The following NCOR2 variants were observed in gnomAD, a reference collection of about 807,000 sequenced individuals.
The protein encoded by NCOR2 is nuclear receptor corepressor 2, also known as CTG repeat protein 26.
A neutral mutation model predicts 262.9 loss-of-function variants in NCOR2; 81 were observed. The observed-to-expected ratio is 0.31, with a 90% confidence interval of 0.26 to 0.37. The LOEUF (loss-of-function observed/expected upper bound fraction) is 0.37. NCOR2 is among the 10% of genes least tolerant of loss of function. The pLI is 1.00. For missense variants in NCOR2, 3,385 were observed against 3,621.4 expected (o/e 0.93, Z 1.68); for synonymous variants, 1,659 against 1,559.3 (o/e 1.06, Z -1.51).
At chr12:124,344,600 C>T (rs1275756142) in exon 32 of NCOR2, 2 of 1,451,120 alleles carry the variant, frequency 1.4e-6, no homozygotes, top group Non-Finnish European at 1.8e-6. Flanking sequence ...CACTCACCCT[C>T]CTGCAGGCGC....
At position 124,402,526 on chromosome 12, in the gene NCOR2, C is replaced by G. The variant is rs369621213; in HGVS notation, c.1518G>C (p.Gln506His). The G allele has an allele frequency of 1.9e-5, 30 of 1,562,654 alleles. No homozygotes were observed. In the African/African-American group the frequency reaches 3.8e-4, roughly 20 times the overall value. Residue 506 changes from glutamine to histidine, a missense_variant, in exon 14 of 47, where the codon CAG (glutamine) becomes CAC (histidine). Gln to His is a conservative substitution (Grantham distance 24, BLOSUM62 0). Around this residue, in one of 5 missense-constraint regions of NCOR2, gnomAD observed 515 missense variants for 781.2 expected, o/e 0.66. Transcript: ENST00000405201. ...TGCGGGGCATGGGCTGCTGCTGCTGCTGCTGCTGCTGCTGCTGCTGCTGTT... is the reference window on the plus strand; with the variant it reads ...TGCGGGGCATGGGCTGCTGCTGCTGGTGCTGCTGCTGCTGCTGCTGCTGTT...
rs2050279717 is a variant in NCOR2 at position 124,523,183 on chromosome 12, A to AG, written c.-118+12381dup. Among the ~76,000 whole-genome samples, 1 of 152,196 alleles carries AG rather than the reference A, an allele frequency of 6.6e-6. No individual in the cohort carries two copies. Among genetic ancestry groups the AG allele is most frequent in the Non-Finnish European group, 1.5e-5 (1 of 68,042 alleles). On this transcript the variant is annotated intron_variant, in intron 1 of 46. Coordinates refer to the NCOR2 transcript ENST00000404621. This position sits in a 1 kb window ranked among gnomAD's most constrained non-coding sequence, Gnocchi z 4.0. The stretch of plus-strand genomic sequence containing the variant: ...TCTGCATGTTGTTTTTATTTTTAAA[A>AG]GGGGCCGCCCCCACCCACAGCAGCT...
rs1354737681 is a variant in NCOR2 at position 124,429,711 on chromosome 12, G to A, written c.1056-5C>T. 6.3e-7 allele frequency: 1 copy of A among 1,594,662 alleles called. No homozygotes were observed. On this transcript the variant is annotated splice_polypyrimidine_tract_variant and splice_region_variant and intron_variant, in intron 9 of 46. Coordinates refer to ENST00000405201, the Ensembl canonical transcript of NCOR2. ...CTGCCCCGCTGGCCCACCCTGCTGG[G>A]GACCAAGGGGACACACTCAGGACCG... is the stretch of plus-strand genomic sequence containing the variant.
intron 37 of NCOR2, among the ~76,000 whole-genome samples, chr12:124,338,215 T>C (rs1434651761): frequency 2.0e-5 from 3 of 152,216 alleles, no homozygotes; most frequent in Admixed American, 6.5e-5. Flanking sequence ...TGCCTCTAAA[T>C]AGGTCCTGGA....
At chr12:124,562,515 C>G (rs531715137) in intron 1 of NCOR2, among the ~76,000 whole-genome samples, 2 of 152,232 alleles carry the variant, frequency 1.3e-5, no homozygotes, top group African/African-American at 2.4e-5. Flanking sequence ...GGGCCTCCCC[C>G]ACCCCGTCCT....
chr12:124,385,602 C>T (rs1304696342), intron 17 of NCOR2, 143 bp downstream of exon 19: 3 of 1,271,998 alleles, frequency 2.4e-6, no homozygotes, highest in Non-Finnish European at 3.2e-6. Context: ...CGGGCTTGAA[C>T]CCCCAGAAGC....
At chr12:124,528,795 C>T (rs1488063478) in intron 1 of NCOR2, among the ~76,000 whole-genome samples, 1 of 152,206 alleles carries the variant, frequency 6.6e-6, no homozygotes, top group East Asian at 1.9e-4. Context: ...AGAAAGGGCA[C>T]ACAACTCAGA....
intron 11 of NCOR2, among the ~76,000 whole-genome samples, chr12:124,425,157 G>A (rs995712057): frequency 1.3e-5 from 2 of 152,160 alleles, no homozygotes; most frequent in African/African-American, 2.4e-5. Context: ...GGCGGATCAC[G>A]AGGTCAGGAG....
At chr12:124,473,084 G>A (rs1380019543) in exon 4 of NCOR2, 6 of 1,613,926 alleles carry the variant, frequency 3.7e-6, no homozygotes, top group Non-Finnish European at 5.1e-6. Flanking sequence ...CAGTGTGCGG[G>A]GGGCTGGGGG....
intron 41 of NCOR2, 48 bp from the exon 44 acceptor site, chr12:124,333,327 G>GT: frequency 6.8e-7 from 1 of 1,464,796 alleles, no homozygotes; most frequent in Non-Finnish European, 9.1e-7. Context: ...TCCCTACTGA[G>GT]GGGGCGCACC....
At chr12:124,528,857 C>G (rs1389665284) in intron 1 of NCOR2, among the ~76,000 whole-genome samples, 1 of 152,200 alleles carries the variant, frequency 6.6e-6, no homozygotes, top group Admixed American at 6.5e-5. Context: ...CTGTCAGAGC[C>G]TCAGTTTCCT....
upstream of NCOR2, among the ~76,000 whole-genome samples, chr12:124,499,590 G>C (rs1021457759): frequency 6.6e-6 from 1 of 152,242 alleles, no homozygotes; most frequent in Non-Finnish European, 1.5e-5. Flanking sequence ...CGCAGGCTTG[G>C]GGGTGAGCCC....
upstream of NCOR2, among the ~76,000 whole-genome samples, chr12:124,536,695 C>T (rs186879924): frequency 5.9e-5 from 9 of 152,294 alleles, no homozygotes; most frequent in African/African-American, 1.9e-4. Context: ...AACCCTCACC[C>T]GTTGCCGACG....
At chr12:124,327,763 C>G in intron 44 of NCOR2, 130 bp from the exon 47 acceptor site, 1 of 649,198 alleles carries the variant, frequency 1.5e-6, no homozygotes, top group Non-Finnish European at 2.7e-6. Context: ...GAGAAATACA[C>G]AGTGAGCACA....
chr12:124,375,878 C>T (rs1275195516), intron 18 of NCOR2, among the ~76,000 whole-genome samples: 1 of 152,216 alleles, frequency 6.6e-6, no homozygotes, highest in East Asian at 1.9e-4. Flanking sequence ...TTCCACTGCC[C>T]CCGGGGAGGG....
intron 6 of NCOR2, among the ~76,000 whole-genome samples, chr12:124,451,350 C>T (rs140893529): frequency 6.2e-4 from 95 of 152,342 alleles, no homozygotes; most frequent in African/African-American, 2.2e-3. Context: ...AAATGTGGGG[C>T]TGCTTTGTTC....
chr12:124,428,600 C>T (rs1056016636), intron 10 of NCOR2, among the ~76,000 whole-genome samples: 1 of 152,188 alleles, frequency 6.6e-6, no homozygotes, highest in Non-Finnish European at 1.5e-5. Context: ...TTCTGTTGTC[C>T]AACAGAGCAC....
Position 124,554,631 on chromosome 12 carries a change from C to T in NCOR2, c.-165+12677G>A, listed in dbSNP as rs200444207. ...GGGGGCTGTGACACAGAGAGGGCAG[C>T]GAGAGCCTGAAGGTCACACAGCAAA... On this transcript the variant is annotated intron_variant, in intron 1 of 32. Transcript: ENST00000458234. 3.9e-5 allele frequency among the ~76,000 whole-genome samples: 6 copies of T among 152,344 alleles called. No individual in the cohort carries two copies. The East Asian group carries it at 7.7e-4, about 20-fold the overall frequency.
At chr12:124,362,193 G>C (rs775540955) in exon 22 of NCOR2, 1 of 1,311,242 alleles carries the variant, frequency 7.6e-7, no homozygotes, top group Non-Finnish European at 9.7e-7. Context: ...GCTGCTGAGG[G>C]GCGTCGCTCT....
Sources: gnomAD v4.1 joint callset for allele counts (sites outside exome capture counted in the v4.1 genomes callset) on GRCh38, gnomAD v4.1.1 for gene constraint, gnomAD v4.1.1 regional missense constraint, Gnocchi (gnomAD v3.1) non-coding constraint, MANE v1.5 for transcripts, NCBI Gene and HGNC (gene_info 2026-07-23, HGNC 2026-07-21) for gene names.